Variants in GMEB1 observed in about 807,000 individuals in gnomAD.
GMEB1 encodes glucocorticoid modulatory element-binding protein 1.
GMEB1 carries 6 observed loss-of-function variants against 52.4 expected under a neutral mutation model. The observed-to-expected ratio is 0.11, with a 90% confidence interval of 0.06 to 0.23. The LOEUF (loss-of-function observed/expected upper bound fraction) is 0.23, where lower values mean the gene tolerates loss of function less well. Ranked by LOEUF, GMEB1 falls within the 10% of genes least tolerant of loss-of-function variation. The pLI is 1.00. For synonymous variants in GMEB1, 255 were observed against 244.9 expected, an observed-to-expected ratio of 1.04 and a Z score of -0.38; for missense variants, 486 against 685.6, an observed-to-expected ratio of 0.71 and a Z score of 3.25.
chr1:28,693,700 C>G (rs945701936), intron 5 of GMEB1, among the ~76,000 whole-genome samples: 2 of 152,106 alleles, frequency 1.3e-5, no homozygotes, highest in Non-Finnish European at 2.9e-5. Flanking sequence ...ATCCACCCAC[C>G]TCCGCTTCCC....
intron 2 of GMEB1, 166 bp from the exon 3 acceptor site, chr1:28,689,938 G>A (rs1570403520): frequency 2.0e-6 from 1 of 511,598 alleles, no homozygotes; most frequent in East Asian, 3.3e-5. Flanking sequence ...AAGCAATCCT[G>A]GGAGGTTTGG....
chr1:28,681,728 G>A (rs1194348498), intron 1 of GMEB1, among the ~76,000 whole-genome samples: 3 of 152,046 alleles, frequency 2.0e-5, no homozygotes, highest in African/African-American at 7.2e-5. Context: ...TTGAGACGGA[G>A]TTTCGCTCTT....
At chr1:28,693,642 G>A (rs569488639) in intron 5 of GMEB1, among the ~76,000 whole-genome samples, 115 of 152,042 alleles carry the variant, frequency 7.6e-4, no homozygotes, top group Middle Eastern at 3.4e-3. Flanking sequence ...TAGTAGAGAC[G>A]GGGTTTCACC....
chr1:28,696,404 C>A (rs1316877557), intron 5 of GMEB1, among the ~76,000 whole-genome samples: 2 of 151,982 alleles, frequency 1.3e-5, no homozygotes, highest in South Asian at 4.1e-4. Context: ...TTGTTCTTGG[C>A]GGGTTTTATT....
chr1:28,678,386 A>C (rs2124464916), intron 1 of GMEB1, among the ~76,000 whole-genome samples: 1 of 151,640 alleles, frequency 6.6e-6, no homozygotes, highest in South Asian at 2.1e-4. Context: ...ATCTTGGCTC[A>C]CTGCAAGCTC....
chr1:28,675,498 G>T (rs1669109034), intron 1 of GMEB1, among the ~76,000 whole-genome samples: 1 of 151,750 alleles, frequency 6.6e-6, no homozygotes, highest in Non-Finnish European at 1.5e-5. Flanking sequence ...TGGCCAACGT[G>T]GTGAAACCCC....
intron 1 of GMEB1, among the ~76,000 whole-genome samples, chr1:28,672,751 T>TG (rs1314311316): frequency 3.3e-3 from 486 of 149,366 alleles, no homozygotes; most frequent in Middle Eastern, 0.014. Flanking sequence ...TTTTTTTTTT[T>TG]TTTTGTTTTG....
At chr1:28,669,886 G>A (rs1668803201) in intron 1 of GMEB1, among the ~76,000 whole-genome samples, 1 of 152,160 alleles carries the variant, frequency 6.6e-6, no homozygotes, top group Admixed American at 6.6e-5. Context: ...ATCTCAACCC[G>A]AGGGTCTTTG....
At chr1:28,683,354 T>A (rs185904396) in intron 1 of GMEB1, among the ~76,000 whole-genome samples, 1 of 151,710 alleles carries the variant, frequency 6.6e-6, no homozygotes, top group East Asian at 1.9e-4. Context: ...GCCTCCTGAG[T>A]AGAGGGGATT....
chr1:28,714,640 C>T lies in GMEB1; in HGVS notation c.1559C>T (p.Pro520Leu). 1 of 1,614,128 alleles carries T rather than the reference C, an allele frequency of 6.2e-7. No homozygotes were observed. The highest frequency in any genetic ancestry group is 8.5e-7 in the Non-Finnish European group (1 of 1,180,024). ...ATTGAGATTGATCCAGCCCCGGACC[C>T]AGAAGCTGAAGATACTGAGGGCAAA... ...TIIEIDPAPD[P>L]EAEDTEGKAV... Residue 520 changes from proline to leucine, a missense_variant, in exon 10 of 10, where the codon CCA becomes CTA. This residue lies in a region of GMEB1 where 153 missense variants were observed against 200.8 expected (regional missense o/e 0.76). Coordinates refer to ENST00000373816, the MANE Select transcript of GMEB1 (RefSeq NM_001319674.2).
At chr1:28,684,619 C>G (rs1205421713) in intron 2 of GMEB1, among the ~76,000 whole-genome samples, 3 of 151,460 alleles carry the variant, frequency 2.0e-5, no homozygotes, top group African/African-American at 7.3e-5. Context: ...AGCCATCATC[C>G]TCACCAAACC....
chr1:28,673,503 CCTT>C (rs1420751995), intron 1 of GMEB1, among the ~76,000 whole-genome samples: 1 of 152,016 alleles, frequency 6.6e-6, no homozygotes, highest in Non-Finnish European at 1.5e-5. Context: ...GATCCACCCT[CCTT>C]GGCCTCCCAA....
Position 28,683,660 on chromosome 1 carries a change from A to G in GMEB1, c.48A>G (p.Val16=). Residue 16 remains valine, a synonymous_variant, in exon 2 of 10, where the codon GTA becomes GTG. Coordinates refer to ENST00000373816, the MANE Select transcript of GMEB1 (RefSeq NM_001319674.2). ...VSVPVGDVVV[V]PTEGNEGENP... ...TCCCAGTGGGGGATGTGGTTGTGGT[A>G]CCTACTGAAGGAAATGAAGGGGAGA... The G allele has an allele frequency of 1.2e-6, 2 of 1,611,664 alleles. No individual in the cohort carries two copies. The highest frequency in any genetic ancestry group is 3.4e-5 in the Admixed American group (2 of 59,588).
chr1:28,719,102 A>G lies in GMEB1; in HGVS notation c.*4329A>G, dbSNP rs1333787162. ...CTTCTCCAAGTTTCCATCAGATGGG[A>G]TCCAGTGTTGAATCCAGTGCAGGAC... On this transcript the variant is annotated 3_prime_UTR_variant, in exon 10 of 10. Transcript: ENST00000373816. 3.9e-5 allele frequency: 6 copies of G among 152,218 alleles called. No individual in the cohort carries two copies. The highest frequency in any genetic ancestry group is 7.2e-5 in the African/African-American group (3 of 41,450). 9.4% of individuals were successfully genotyped at this position (152,218 alleles called of 1,614,324 possible).
intron 3 of GMEB1, among the ~76,000 whole-genome samples, chr1:28,691,333 A>G (rs569998790): frequency 1.3e-5 from 2 of 152,178 alleles, no homozygotes; most frequent in African/African-American, 4.8e-5. Flanking sequence ...CTAGGAAACA[A>G]TCATTGCCTC....
rs1298200138 is a variant in GMEB1 at position 28,717,236 on chromosome 1, C to T, written c.*2463C>T. The stretch of plus-strand genomic sequence containing the variant: ...ATGGAGTCTTGCTCTGTAGCCCAGG[C>T]TGGAGTGCAATGGTGTGATCTCAGC... On this transcript the variant is annotated 3_prime_UTR_variant, in exon 10 of 10. Coordinates refer to ENST00000373816, the MANE Select transcript of GMEB1 (RefSeq NM_001319674.2). The T allele has an allele frequency of 2.0e-5, 3 of 148,558 alleles. No homozygotes were observed. The highest frequency in any genetic ancestry group is 7.4e-5 in the African/African-American group (3 of 40,568). 9.2% of individuals were successfully genotyped at this position (148,558 alleles called of 1,614,324 possible).
At chr1:28,705,426 C>A (rs548267898) in intron 8 of GMEB1, among the ~76,000 whole-genome samples, 1 of 149,106 alleles carries the variant, frequency 6.7e-6, no homozygotes, top group African/African-American at 2.5e-5. Context: ...CATCCTCTCT[C>A]GCGCGATATA....
chr1:28,678,699 A>C (rs912144659), intron 1 of GMEB1, among the ~76,000 whole-genome samples: 1 of 151,988 alleles, frequency 6.6e-6, no homozygotes, highest in Non-Finnish European at 1.5e-5. Context: ...GCTCACTGCA[A>C]CCTCTGCCTC....
chr1:28,689,891 G>A lies in GMEB1; in HGVS notation c.129-213G>A, dbSNP rs946758401. ...CAAAAATTACTTTCCTTTGAGGTGA[G>A]GAGAGTTGTGGATTCATTTTCATGG... On this transcript the variant is annotated intron_variant, in intron 2 of 9. Coordinates refer to ENST00000373816, the MANE Select transcript of GMEB1 (RefSeq NM_001319674.2). 2.6e-5 allele frequency: 12 copies of A among 452,866 alleles called. No homozygotes were observed. The East Asian group carries it at 4.0e-4, about 15-fold the overall frequency. The allele number at this position is 452,866 out of a possible 1,614,324, so 28.1% of individuals were successfully genotyped here.
Sources: allele counts gnomAD v4.1 joint callset (sites outside exome capture counted in the v4.1 genomes callset), GRCh38; gene constraint gnomAD v4.1.1; regional missense constraint gnomAD v4.1.1; transcripts MANE v1.5; gene names NCBI Gene and HGNC (gene_info 2026-07-23, HGNC 2026-07-21).